The following GPR158 variants were observed in gnomAD, a reference collection of about 807,000 sequenced individuals.
GPR158 encodes the protein G protein-coupled receptor 158, also known as metabotropic glycine receptor.
GPR158 carries 30 observed loss-of-function variants against 78.2 expected under a neutral mutation model. That is an observed-to-expected ratio of 0.38 (90% CI 0.29 to 0.52). The LOEUF (loss-of-function observed/expected upper bound fraction) is 0.52, where lower values mean the gene tolerates loss of function less well. GPR158 is among the 20% of genes least tolerant of loss of function. GPR158 has a pLI of 0.83. For synonymous variants in GPR158, 581 were observed against 591.1 expected (o/e 0.98, Z 0.25); for missense variants, 1,463 against 1,523.5 (o/e 0.96, Z 0.66).
chr10:25,463,081 T>C (rs75275270), intron 4 of GPR158, among the ~76,000 whole-genome samples: 10,137 of 152,212 alleles, frequency 0.067, 998 homozygotes, highest in African/African-American at 0.22. Flanking sequence ...CACAACCATC[T>C]GAAGCTTCAG....
chr10:25,325,688 AC>A (rs1467678016), intron 2 of GPR158, among the ~76,000 whole-genome samples: 1 of 152,154 alleles, frequency 6.6e-6, no homozygotes, highest in African/African-American at 2.4e-5. Flanking sequence ...GAGCTTTCAT[AC>A]CATTTTTTAT....
intron 8 of GPR158, among the ~76,000 whole-genome samples, chr10:25,593,181 T>A (rs1837363674): frequency 6.6e-6 from 1 of 152,000 alleles, no homozygotes; most frequent in Admixed American, 6.6e-5. Context: ...TTTGGGTAAC[T>A]GCTGAGCTTC....
intron 7 of GPR158, among the ~76,000 whole-genome samples, chr10:25,580,827 G>A (rs1041756550): frequency 1.3e-5 from 2 of 152,144 alleles, no homozygotes; most frequent in Non-Finnish European, 2.9e-5. Context: ...CTGGACTCAA[G>A]CCATTCTTCT....
intron 4 of GPR158, among the ~76,000 whole-genome samples, chr10:25,425,878 TC>T: frequency 6.6e-6 from 1 of 152,268 alleles, no homozygotes; most frequent in East Asian, 1.9e-4. Flanking sequence ...GAGAAGCAGA[TC>T]AAGATTGTGC....
intron 2 of GPR158, among the ~76,000 whole-genome samples, chr10:25,388,765 A>T (rs1044724534): frequency 6.6e-6 from 1 of 152,110 alleles, no homozygotes; most frequent in African/African-American, 2.4e-5. Context: ...GTGGCTGCAG[A>T]CCCAGGCATT....
intron 4 of GPR158, among the ~76,000 whole-genome samples, chr10:25,417,848 T>C (rs1048346305): frequency 2.6e-5 from 4 of 152,166 alleles, no homozygotes; most frequent in African/African-American, 9.7e-5. Context: ...ACTTTTTCTC[T>C]GCTTCCTCTT....
At chr10:25,225,183 C>CCTTTTTTTTTTT (rs553039231) in intron 2 of GPR158, among the ~76,000 whole-genome samples, 1 of 134,764 alleles carries the variant, frequency 7.4e-6, no homozygotes, top group African/African-American at 2.8e-5. Flanking sequence ...GAACATTTGC[C>CCTTTTTTTTTTT]TTTTTTTTTT....
rs1413220988 is a variant in GPR158, at chr10:25,176,498, AAGCGCCCCACGCCCGTC to A, written c.902+180_902+196del. On this transcript the variant is annotated intron_variant, in intron 1 of 10. Transcript: ENST00000376351. The surrounding 1 kb of genome is among the most constrained non-coding windows in gnomAD (Gnocchi z 6.3). ...GCGGGCGCGGGTGCTTGGGGGCAAGAAGCGCCCCACGCCCGTCAGCTTCCGGCGCTCGGCGAAAGCCA... is the reference window on the plus strand; with the variant it reads ...GCGGGCGCGGGTGCTTGGGGGCAAGAAGCTTCCGGCGCTCGGCGAAAGCCA... Among the ~76,000 whole-genome samples the A allele has an allele frequency of 2.0e-5, 3 of 152,164 alleles. No individual in the cohort carries two copies. The highest frequency in any genetic ancestry group is 7.2e-5 in the African/African-American group (3 of 41,454).
At chr10:25,216,769 G>A (rs1360917089) in intron 1 of GPR158, among the ~76,000 whole-genome samples, 3 of 152,126 alleles carry the variant, frequency 2.0e-5, no homozygotes, top group African/African-American at 4.8e-5. Context: ...GAGTTATAAT[G>A]TAAGGCATGG....
chr10:25,395,628 A>G (rs1266999459), intron 2 of GPR158, among the ~76,000 whole-genome samples: 1 of 152,198 alleles, frequency 6.6e-6, no homozygotes, highest in Non-Finnish European at 1.5e-5. Flanking sequence ...GTGAGGCATT[A>G]AAAAGAAAAA....
chr10:25,364,523 G>A (rs1855690960), intron 2 of GPR158, among the ~76,000 whole-genome samples: 2 of 151,728 alleles, frequency 1.3e-5, no homozygotes, highest in Non-Finnish European at 2.9e-5. Flanking sequence ...AGGAAATGAG[G>A]GTACTTAAAC....
intron 2 of GPR158, among the ~76,000 whole-genome samples, chr10:25,366,272 A>G (rs1342207313): frequency 4.0e-5 from 6 of 151,624 alleles, no homozygotes; most frequent in Admixed American, 4.0e-4. Flanking sequence ...GTTGGATAAT[A>G]GGATGTGTTA....
At chr10:25,302,805 A>T (rs1054148329) in intron 2 of GPR158, among the ~76,000 whole-genome samples, 1 of 152,174 alleles carries the variant, frequency 6.6e-6, no homozygotes, top group African/African-American at 2.4e-5. Context: ...GCTGTCTCTT[A>T]TGGTAGCTGC....
At chr10:25,402,778 A>G (rs1401540313) in intron 3 of GPR158, among the ~76,000 whole-genome samples, 1 of 151,746 alleles carries the variant, frequency 6.6e-6, no homozygotes, top group Non-Finnish European at 1.5e-5. Context: ...AACTTTCAGA[A>G]TATCTGTTTA....
chr10:25,540,383 G>A (rs1836562153), intron 5 of GPR158, among the ~76,000 whole-genome samples: 1 of 152,150 alleles, frequency 6.6e-6, no homozygotes, highest in Non-Finnish European at 1.5e-5. Context: ...AAGACAGTGT[G>A]GTGATTCCTC....
chr10:25,300,930 G>A (rs1486053157), intron 2 of GPR158, among the ~76,000 whole-genome samples: 2 of 152,088 alleles, frequency 1.3e-5, no homozygotes, highest in Non-Finnish European at 2.9e-5. Flanking sequence ...CTATCAGATA[G>A]GACACAGTGG....
chr10:25,454,439 A>G (rs1005299838), intron 4 of GPR158, among the ~76,000 whole-genome samples: 1 of 152,186 alleles, frequency 6.6e-6, no homozygotes, highest in African/African-American at 2.4e-5. Flanking sequence ...AGAAATTGAA[A>G]GTTATGGATT....
chr10:25,269,218 G>C (rs958143604), intron 2 of GPR158, among the ~76,000 whole-genome samples: 1 of 152,194 alleles, frequency 6.6e-6, no homozygotes, highest in Non-Finnish European at 1.5e-5. Flanking sequence ...GTAGGAAAAT[G>C]GGAGAACATG....
At chr10:25,456,915 T>G (rs1023766831) in intron 4 of GPR158, among the ~76,000 whole-genome samples, 1 of 152,034 alleles carries the variant, frequency 6.6e-6, no homozygotes, top group Non-Finnish European at 1.5e-5. Context: ...ATTATTAAGA[T>G]TTTTCATGGG....
Sources: allele counts gnomAD v4.1 joint callset (sites outside exome capture counted in the v4.1 genomes callset), GRCh38; gene constraint gnomAD v4.1.1; non-coding constraint Gnocchi (gnomAD v3.1); transcripts MANE v1.5; gene names NCBI Gene and HGNC (gene_info 2026-07-23, HGNC 2026-07-21).